The following CELSR3 variants were observed in gnomAD, a reference collection of about 807,000 sequenced individuals.
The protein encoded by CELSR3 is cadherin EGF LAG seven-pass G-type receptor 3.
CELSR3 carries 73 observed loss-of-function variants against 270.0 expected under a neutral mutation model. The ratio of observed to expected loss-of-function variants is 0.27; its 90% CI spans 0.22 to 0.33. The LOEUF is 0.33. CELSR3 is among the 10% of genes least tolerant of loss of function. The pLI is 1.00. For synonymous variants in CELSR3, 1,780 were observed against 1,905.4 expected (o/e 0.93, Z 1.71); for missense variants, 3,614 against 4,533.8 (o/e 0.80, Z 5.83).
In CELSR3 at chr3:48,655,357, C is replaced by T; in HGVS notation, c.4779G>A (p.Gly1593=). The change falls in exon 5 of 35, where the codon GGG becomes GGA. Residue 1593 remains glycine (G), a synonymous_variant. Coordinates refer to ENST00000164024, the MANE Select transcript of CELSR3 (RefSeq NM_001407.3). The surrounding 1 kb of genome is among the most constrained non-coding windows in gnomAD (Gnocchi z 5.8). ...TATGCCATTGCCCGTCACTCAAGCC[C>T]CCTGGAACTGTGGGGCTGACCACGG... ...SNTVVSPTVP[G]GLSDGQWHTV... 1 of 1,614,104 alleles carries T rather than the reference C, an allele frequency of 6.2e-7. No individual in the cohort carries two copies. Among genetic ancestry groups the T allele is most frequent in the Non-Finnish European group, 8.5e-7 (1 of 1,179,994 alleles).
rs1441784824 is a variant in CELSR3, at chr3:48,648,188, A to T, written c.6973+78T>A. ...GCCATTAACATTGGCATTGATAGCC[A>T]CAGCCCCTCAGACCTTCAGGTACCT... is the stretch of plus-strand genomic sequence containing the variant. On this transcript the variant is annotated intron_variant, in intron 19 of 34. Coordinates refer to ENST00000164024, the MANE Select transcript of CELSR3 (RefSeq NM_001407.3). 5 of 1,506,954 alleles carry T rather than the reference A, an allele frequency of 3.3e-6. No homozygotes were observed. In the East Asian group the frequency reaches 9.2e-5, roughly 28 times the overall value. 93.3% of individuals were successfully genotyped at this position (1,506,954 alleles called of 1,614,324 possible). A position where few individuals can be genotyped will look rare whatever the true frequency, so the allele number is the denominator to read the frequency against.
At position 48,657,844 on chromosome 3, in the gene CELSR3, A is replaced by C. The variant is rs771191721; in HGVS notation, c.3749-496T>G. 6.6e-6 allele frequency among the ~76,000 whole-genome samples: 1 copy of C among 152,172 alleles called. No individual in the cohort carries two copies. Among genetic ancestry groups the C allele is most frequent in the Non-Finnish European group, 1.5e-5 (1 of 68,036 alleles). On this transcript the variant is annotated intron_variant, in intron 1 of 34. Coordinates refer to ENST00000164024, the MANE Select transcript of CELSR3 (RefSeq NM_001407.3). The surrounding 1 kb of genome is among the most constrained non-coding windows in gnomAD (Gnocchi z 5.4). Reference sequence around the variant, plus strand: ...AAGGGTTCCAGATCAGGGATCACCTATCTCCTATTTTTGGTCAGCAAATTG... The same window carrying C: ...AAGGGTTCCAGATCAGGGATCACCTCTCTCCTATTTTTGGTCAGCAAATTG...
chr3:48,643,368 G>T, intron 28 of CELSR3, 186 bp downstream of exon 28: 1 of 825,638 alleles, frequency 1.2e-6, no homozygotes, highest in East Asian at 2.7e-5. Flanking sequence ...CAGTGCCTAA[G>T]TTAGAGTCAG....
Position 48,662,197 on chromosome 3 carries a change from T to G in CELSR3, c.438A>C (p.Gly146=). ...GTGACAGACTACCTCTTTGCAAAGG[T>G]CCTGTCCGCCCGCAAGAGGAGACCT... The part of the protein sequence containing the change: ...RPEVSSCGRT[G]PLQRGSLSPG... Residue 146 remains glycine (G), a synonymous_variant, in exon 1 of 35, where the codon GGA becomes GGC. Coordinates refer to ENST00000164024, the MANE Select transcript of CELSR3 (RefSeq NM_001407.3). The surrounding 1 kb of genome is among the most constrained non-coding windows in gnomAD (Gnocchi z 7.1). 1 of 1,612,930 alleles carries G rather than the reference T, an allele frequency of 6.2e-7. No individual in the cohort carries two copies. The highest frequency in any genetic ancestry group is 8.5e-7 in the Non-Finnish European group (1 of 1,179,718).
chr3:48,643,766 C>T (rs1575539097), intron 27 of CELSR3, 89 bp from the exon 28 acceptor site: 2 of 1,450,606 alleles, frequency 1.4e-6, no homozygotes, highest in Non-Finnish European at 9.2e-7. Flanking sequence ...ACAGGGGCCA[C>T]ACACGAAACG....
intron 28 of CELSR3, 44 bp from the exon 29 acceptor site, chr3:48,643,127 C>G: frequency 7.6e-7 from 1 of 1,310,562 alleles, no homozygotes; most frequent in East Asian, 2.3e-5. Flanking sequence ...AGGGATCAAT[C>G]AGGGACCAGT....
chr3:48,642,283 A>G lies in CELSR3; in HGVS notation c.8665+75T>C. On this transcript the variant is annotated intron_variant, in intron 31 of 34. Coordinates refer to ENST00000164024, the MANE Select transcript of CELSR3 (RefSeq NM_001407.3). The surrounding 1 kb of genome is among the most constrained non-coding windows in gnomAD (Gnocchi z 6.1). ...CCCACCCCAGTCAGCCACTGCTCCC[A>G]GTATGGGGTAGAAGAAAAGGGGATG... 6.8e-7 allele frequency: 1 copy of G among 1,474,582 alleles called. No individual in the cohort carries two copies. Among genetic ancestry groups the G allele is most frequent in the Non-Finnish European group, 9.2e-7 (1 of 1,087,458 alleles). 91.3% of individuals were successfully genotyped at this position (1,474,582 alleles called of 1,614,324 possible).
At position 48,646,326 on chromosome 3, in the gene CELSR3, G is replaced by A. The variant is rs1030497979; in HGVS notation, c.7296-69C>T. The A allele has an allele frequency of 2.7e-5, 40 of 1,492,506 alleles. No individual in the cohort carries two copies. Among genetic ancestry groups the A allele is most frequent in the South Asian group, 1.0e-4 (8 of 77,984 alleles). 92.5% of individuals were successfully genotyped at this position (1,492,506 alleles called of 1,614,324 possible). A position where few individuals can be genotyped will look rare whatever the true frequency, so the allele number is the denominator to read the frequency against. ...ATGCTCAGCCTGCTTGCCTCACCCC[G>A]TCTTCATGCCACTCGCCAGGGCTGA... is the stretch of plus-strand genomic sequence containing the variant. On this transcript the variant is annotated intron_variant, in intron 21 of 34. Transcript: ENST00000164024. This position sits in a 1 kb window ranked among gnomAD's most constrained non-coding sequence, Gnocchi z 4.8.
intron 28 of CELSR3, 164 bp from the exon 29 acceptor site, chr3:48,643,247 G>A (rs2047046615): frequency 1.6e-6 from 1 of 632,506 alleles, no homozygotes; most frequent in Admixed American, 2.9e-5. Context: ...GCAGGGGAGA[G>A]GATGGAGCAG....
intron 28 of CELSR3, 57 bp from the exon 29 acceptor site, chr3:48,643,140 A>G (rs567101585): frequency 3.4e-6 from 4 of 1,181,412 alleles, no homozygotes; most frequent in Admixed American, 1.7e-5. Flanking sequence ...GGACCAGTAT[A>G]AGTCACTGTG....
Position 48,661,812 on chromosome 3 carries a change from G to C in CELSR3, c.823C>G (p.Arg275Gly). 1.2e-6 allele frequency: 2 copies of C among 1,609,218 alleles called. No individual in the cohort carries two copies. The highest frequency in any genetic ancestry group is 1.7e-6 in the Non-Finnish European group (2 of 1,179,366). Residue 275 changes from arginine (R) to glycine (G), a missense_variant, in exon 1 of 35, where the codon CGC (arginine) becomes GGC (glycine). Arg to Gly is a moderately radical substitution (Grantham distance 125, BLOSUM62 -2). Coordinates refer to ENST00000164024, the MANE Select transcript of CELSR3 (RefSeq NM_001407.3). ...SRTAPEPAPKRMRSRGLFRCR... is the reference protein window; with the variant it reads ...SRTAPEPAPKGMRSRGLFRCR... ...CGGAAGAGACCCCGGGAGCGCATGC[G>C]CTTGGGCGCCGGCTCGGGAGCTGTC...
chr3:48,643,673 G>A lies in CELSR3; in HGVS notation c.8170C>T (p.Leu2724Phe). 1 of 1,552,456 alleles carries A rather than the reference G, an allele frequency of 6.4e-7. No homozygotes were observed. The highest frequency in any genetic ancestry group is 8.7e-7 in the Non-Finnish European group (1 of 1,147,700). ...AGAAGCAGCAGGAAGGAGCTGCGAA[G>A]GGTCCTGCTGTGGGGACATGGGAAG... ...REAKKTSALT[L>F]RSSFLLLLLV... Residue 2724 changes from leucine (L) to phenylalanine (F), a missense_variant, in exon 28 of 35, where the codon CTT becomes TTT. Coordinates refer to ENST00000164024, the MANE Select transcript of CELSR3 (RefSeq NM_001407.3).
At position 48,652,340 on chromosome 3, in the gene CELSR3, A is replaced by G; in HGVS notation, c.5751+97T>C. 1 of 1,018,528 alleles carries G rather than the reference A, an allele frequency of 9.8e-7. No homozygotes were observed. The highest frequency in any genetic ancestry group is 1.3e-5 in the South Asian group (1 of 77,412). 63.1% of individuals were successfully genotyped at this position (1,018,528 alleles called of 1,614,324 possible). A position where few individuals can be genotyped will look rare whatever the true frequency, so the allele number is the denominator to read the frequency against. On this transcript the variant is annotated intron_variant, in intron 11 of 34. Transcript: ENST00000164024. This position sits in a 1 kb window ranked among gnomAD's most constrained non-coding sequence, Gnocchi z 4.3. ...CTGGGTCATTCACCCCCTCGCACCA[A>G]CCCCCACTTGAATACTGCCTTTCAG... is the stretch of plus-strand genomic sequence containing the variant.
In CELSR3 at chr3:48,646,212, A is replaced by G; in HGVS notation, c.7341T>C (p.Ala2447=). The change falls in exon 22 of 35, where the codon GCT becomes GCC. Residue 2447 remains alanine, a synonymous_variant. Transcript: ENST00000164024. This position sits in a 1 kb window ranked among gnomAD's most constrained non-coding sequence, Gnocchi z 4.8. ...PVMNSPVVSV[A]VFHGRNFLRG... is the part of the protein sequence containing the mutation. ...TTAGGAAGTTGCGTCCGTGGAACAC[A>G]GCCACGCTGACCACCGGGGAGTTCA... The G allele has an allele frequency of 6.2e-7, 1 of 1,612,672 alleles. No individual in the cohort carries two copies. Among genetic ancestry groups the G allele is most frequent in the Non-Finnish European group, 8.5e-7 (1 of 1,179,892 alleles).
At position 48,659,309 on chromosome 3, in the gene CELSR3, C is replaced by T. The variant is rs1440179102; in HGVS notation, c.3326G>A (p.Gly1109Glu). The change falls in exon 1 of 35, where the codon GGG (glycine) becomes GAG (glutamate). Residue 1109 changes from glycine to glutamate, a missense_variant. Gly to Glu is a moderately conservative substitution (Grantham distance 98). This residue lies in a region of CELSR3 where 1,331 missense variants were observed against 1,933.7 expected (regional missense o/e 0.69). Transcript: ENST00000164024. This position sits in a 1 kb window ranked among gnomAD's most constrained non-coding sequence, Gnocchi z 8.1. ...CATTTGGAACAGCTCAGGGATGTTCCCCTCCACGATCTGGTACATTATATG... is the reference window on the plus strand; with the variant it reads ...CATTTGGAACAGCTCAGGGATGTTCTCCTCCACGATCTGGTACATTATATG... ...NAHIMYQIVE[G>E]NIPELFQMDI... 1.9e-6 allele frequency: 3 copies of T among 1,614,052 alleles called. No homozygotes were observed. Among genetic ancestry groups the T allele is most frequent in the Non-Finnish European group, 2.5e-6 (3 of 1,180,044 alleles).
rs867144337 is a variant in CELSR3, at chr3:48,662,542, C to T, written c.93G>A (p.Gln31=). ...LLLLSLFPLS[Q]EELGGGGHQG... ...GGTGCCCACCGCCCCCCAGCTCCTC[C>T]TGGCTGAGGGGGAACAAAGAGAGGA... Residue 31 remains glutamine (Q), a synonymous_variant, in exon 1 of 35, where the codon CAG becomes CAA. Transcript: ENST00000164024. The surrounding 1 kb of genome is among the most constrained non-coding windows in gnomAD (Gnocchi z 7.1). 1 of 1,600,224 alleles carries T rather than the reference C, an allele frequency of 6.2e-7. No individual in the cohort carries two copies. The highest frequency in any genetic ancestry group is 1.1e-5 in the South Asian group (1 of 89,970).
rs750197656 is a variant in CELSR3 at position 48,646,227 on chromosome 3, C to A, written c.7326G>T (p.Pro2442=). 3.7e-5 allele frequency: 59 copies of A among 1,612,368 alleles called. No homozygotes were observed. The East Asian group carries it at 1.2e-3, about 33-fold the overall frequency. ...CGTGGAACACAGCCACGCTGACCACCGGGGAGTTCATGACGGGGTTCTGAG... is the reference window on the plus strand; with the variant it reads ...CGTGGAACACAGCCACGCTGACCACAGGGGAGTTCATGACGGGGTTCTGAG... ...RLPQNPVMNS[P]VVSVAVFHGR... The change falls in exon 22 of 35, where the codon CCG becomes CCT. Residue 2442 remains proline, a synonymous_variant. Coordinates refer to ENST00000164024, the MANE Select transcript of CELSR3 (RefSeq NM_001407.3). The surrounding 1 kb of genome is among the most constrained non-coding windows in gnomAD (Gnocchi z 4.8).
intron 34 of CELSR3, 54 bp from the exon 35 acceptor site, chr3:48,638,286 C>T (rs2046991062): frequency 1.8e-5 from 24 of 1,357,544 alleles, no homozygotes; most frequent in Admixed American, 5.0e-5. Context: ...CCGAGTCAGG[C>T]GGCTCTGGAC....
rs752662384 is a variant in CELSR3, at chr3:48,642,372, A to G, written c.8651T>C (p.Phe2884Ser). The G allele has an allele frequency of 1.9e-6, 3 of 1,612,972 alleles. No homozygotes were observed. The Admixed American group carries it at 5.0e-5, about 27-fold the overall frequency. Residue 2884 changes from phenylalanine (F) to serine (S), a missense_variant, in exon 31 of 35, where the codon TTC (phenylalanine) becomes TCC (serine). Physicochemically the swap from Phe to Ser is radical, Grantham distance 155 (BLOSUM62 -2). This residue lies in a region of CELSR3 where 1,240 missense variants were observed against 1,351.7 expected (regional missense o/e 0.92). Coordinates refer to ENST00000164024, the MANE Select transcript of CELSR3 (RefSeq NM_001407.3). The surrounding 1 kb of genome is among the most constrained non-coding windows in gnomAD (Gnocchi z 6.1). ...AGPTDLDVAM[F>S]HRDAGADSDS... ...CCCAACTCCACCAGCATCTCGATGGAACATGGCCACGTCCAGGTCAGTGGG... is the reference window on the plus strand; with the variant it reads ...CCCAACTCCACCAGCATCTCGATGGGACATGGCCACGTCCAGGTCAGTGGG...
Sources: allele counts gnomAD v4.1 joint callset (sites outside exome capture counted in the v4.1 genomes callset), GRCh38; gene constraint gnomAD v4.1.1; regional missense constraint gnomAD v4.1.1; non-coding constraint Gnocchi (gnomAD v3.1); transcripts MANE v1.5; gene names NCBI Gene and HGNC (gene_info 2026-07-23, HGNC 2026-07-21).